KANK1: variants seen among roughly 807,000 people sequenced by gnomAD.
KANK1 encodes KN motif and ankyrin repeat domain-containing protein 1.
A neutral mutation model predicts 106.2 loss-of-function variants in KANK1; 109 were observed. The observed-to-expected ratio is 1.03, with a 90% CI of 0.88 to 1.20. The LOEUF (loss-of-function observed/expected upper bound fraction) is 1.20. Ranked by LOEUF, KANK1 falls within the 50% of genes most tolerant of loss-of-function variation. The pLI is 0.00. For synonymous variants in KANK1, 873 were observed against 652.2 expected (o/e 1.34, Z -5.16); for missense variants, 2,399 against 1,710.7 (o/e 1.40, Z -7.10).
At chr9:663,975 G>A (rs1843974990) in intron 1 of KANK1, among the ~76,000 whole-genome samples, 1 of 152,080 alleles carries the variant, frequency 6.6e-6, no homozygotes, top group Non-Finnish European at 1.5e-5. Context: ...TGGTTTGGCT[G>A]TATCCTCACC....
intron 1 of KANK1, among the ~76,000 whole-genome samples, chr9:643,047 T>C (rs1413892008): frequency 6.6e-6 from 1 of 150,972 alleles, no homozygotes; most frequent in East Asian, 1.9e-4. Context: ...TTTGGAAACA[T>C]ATAAAAATAG....
chr9:742,494 A>G (rs1469045659), intron 10 of KANK1, 89 bp downstream of exon 10: 2 of 952,666 alleles, frequency 2.1e-6, no homozygotes, highest in African/African-American at 3.3e-5. Flanking sequence ...GGAGCGACCA[A>G]ATCCTCCTCT....
chr9:537,282 T>A (rs1241345052), intron 1 of KANK1, among the ~76,000 whole-genome samples: 1 of 152,182 alleles, frequency 6.6e-6, no homozygotes, highest in Non-Finnish European at 1.5e-5. Flanking sequence ...AGGGTTCCCT[T>A]GGGGAGGACG....
chr9:482,675 G>T (rs115223678), intron 3 of KANK1, among the ~76,000 whole-genome samples: 1 of 152,330 alleles, frequency 6.6e-6, no homozygotes, highest in East Asian at 1.9e-4. Flanking sequence ...ATATGGATGT[G>T]TAAATGCACC....
At chr9:610,019 A>C (rs2136114204) in intron 1 of KANK1, among the ~76,000 whole-genome samples, 1 of 152,304 alleles carries the variant, frequency 6.6e-6, no homozygotes, top group African/African-American at 2.4e-5. Context: ...TTACAATTAT[A>C]ATGATAAATA....
chr9:637,148 T>C (rs1837338883), intron 1 of KANK1, among the ~76,000 whole-genome samples: 1 of 152,216 alleles, frequency 6.6e-6, no homozygotes, highest in African/African-American at 2.4e-5. Context: ...TCCTAGGTAA[T>C]TGGAAGAGTT....
At position 697,356 on chromosome 9, in the gene KANK1, C is replaced by T. The variant is rs541748190; in HGVS notation, c.38-13448C>T. 4.6e-5 allele frequency among the ~76,000 whole-genome samples: 7 copies of T among 152,218 alleles called. No individual in the cohort carries two copies. In the South Asian group the frequency reaches 1.5e-3, roughly 32 times the overall value. On this transcript the variant is annotated intron_variant, in intron 2 of 11. Transcript: ENST00000382297. ...GTCGAGGTGGTTATTTGTCAGCTTT[C>T]TCATCATAGAGTCACCATTTTTTTT...
intron 2 of KANK1, among the ~76,000 whole-genome samples, chr9:681,413 C>G (rs1049771888): frequency 6.6e-6 from 1 of 151,946 alleles, no homozygotes; most frequent in African/African-American, 2.4e-5. Context: ...TGCTTTTTCC[C>G]CAAGTTTCTG....
intron 1 of KANK1, among the ~76,000 whole-genome samples, chr9:616,795 C>G (rs1229113808): frequency 2.0e-5 from 3 of 152,294 alleles, no homozygotes; most frequent in African/African-American, 7.2e-5. Flanking sequence ...TATGTCGCTG[C>G]TGTTCTTTAT....
intron 1 of KANK1, among the ~76,000 whole-genome samples, chr9:587,342 TAA>T (rs1289578909): frequency 6.6e-6 from 1 of 152,158 alleles, no homozygotes; most frequent in Non-Finnish European, 1.5e-5. Context: ...CTCTGAAGAA[TAA>T]AAGTGAATTG....
intron 1 of KANK1, chr9:549,560 T>C (rs1374501329): frequency 2.0e-5 from 3 of 152,280 alleles, no homozygotes; most frequent in Admixed American, 6.5e-5. Flanking sequence ...TTCCTTTTCC[T>C]ATTCTGGCTC....
At chr9:518,459 A>G (rs1253165806) in intron 1 of KANK1, among the ~76,000 whole-genome samples, 4 of 151,700 alleles carry the variant, frequency 2.6e-5, no homozygotes, top group African/African-American at 4.9e-5. Flanking sequence ...CTTTTCGGCC[A>G]GACACTTCAA....
chr9:671,997 A>T (rs192214829), intron 1 of KANK1, among the ~76,000 whole-genome samples: 19,312 of 152,196 alleles, frequency 0.13, 1,286 homozygotes, highest in Non-Finnish European at 0.15. Context: ...TTTCTTATCT[A>T]AAAAGGATTT....
chr9:520,765 G>A (rs531580004), intron 1 of KANK1, among the ~76,000 whole-genome samples: 1 of 151,752 alleles, frequency 6.6e-6, no homozygotes, highest in Non-Finnish European at 1.5e-5. Flanking sequence ...AATCTTTTAT[G>A]AATTGGAGAG....
chr9:699,255 TCTC>T (rs1432836935), intron 2 of KANK1, among the ~76,000 whole-genome samples: 1 of 152,208 alleles, frequency 6.6e-6, no homozygotes, highest in African/African-American at 2.4e-5. Flanking sequence ...CACTTGTCTG[TCTC>T]CTCCTATACT....
intron 1 of KANK1, among the ~76,000 whole-genome samples, chr9:637,552 T>C (rs1837441151): frequency 6.6e-6 from 1 of 152,176 alleles, no homozygotes; most frequent in South Asian, 2.1e-4. Context: ...AGTCACCAAG[T>C]CTGGGGTGAA....
At chr9:735,193 G>T (rs987622884) in intron 7 of KANK1, among the ~76,000 whole-genome samples, 4 of 152,112 alleles carry the variant, frequency 2.6e-5, no homozygotes, top group African/African-American at 4.8e-5. Flanking sequence ...CAGCATCCAA[G>T]AATTTTTTTT....
chr9:731,483 G>A (rs551599434), intron 5 of KANK1: 2 of 408,028 alleles, frequency 4.9e-6, no homozygotes, highest in Non-Finnish European at 9.0e-6. Context: ...TGATGAAGCT[G>A]AGCGGTTTAC....
intron 3 of KANK1, among the ~76,000 whole-genome samples, 188 bp downstream of exon 3, chr9:713,652 C>T (rs914351053): frequency 2.0e-5 from 3 of 152,208 alleles, no homozygotes; most frequent in African/African-American, 7.2e-5. Context: ...TGCTTATTAT[C>T]TGGTAGCCTC....
Sources: gnomAD v4.1 joint callset for allele counts (sites outside exome capture counted in the v4.1 genomes callset) on GRCh38, gnomAD v4.1.1 for gene constraint, MANE v1.5 for transcripts, NCBI Gene and HGNC (gene_info 2026-07-23, HGNC 2026-07-21) for gene names.